The following ADH4 variants were observed in gnomAD, a reference collection of about 807,000 sequenced individuals.
ADH4 encodes all-trans-retinol dehydrogenase [NAD(+)] ADH4.
A neutral mutation model predicts 35.2 loss-of-function variants in ADH4; 31 were observed. The ratio of observed to expected loss-of-function variants is 0.88; its 90% CI spans 0.66 to 1.19. The LOEUF is 1.19. Ranked by LOEUF, ADH4 falls within the 50% of genes most tolerant of loss-of-function variation. The pLI, the probability that ADH4 is intolerant of heterozygous loss-of-function variation, is 0.00. For synonymous variants in ADH4, 171 were observed against 160.2 expected, an observed-to-expected ratio of 1.07 and a Z score of -0.51; for missense variants, 476 against 458.3, an observed-to-expected ratio of 1.04 and a Z score of -0.35.
intron 5 of ADH4, among the ~76,000 whole-genome samples, chr4:99,134,588 G>A (rs17218073): frequency 0.21 from 31,936 of 151,672 alleles, 4,023 homozygotes; most frequent in Non-Finnish European, 0.28. Flanking sequence ...AGTCTCTAGC[G>A]CCATACAGCA....
Position 99,141,651 on chromosome 4 carries a change from G to A in ADH4, c.152C>T (p.Ala51Val). ...IIATSLCHTDATVIDSKFEGL... is the reference protein window; with the variant it reads ...IIATSLCHTDVTVIDSKFEGL... Reference sequence around the variant, plus strand: ...CTCAAATTTAGAATCGATAACAGTGGCATCAGTATGGCACAGAGAGGTAGC... The same window carrying A: ...CTCAAATTTAGAATCGATAACAGTGACATCAGTATGGCACAGAGAGGTAGC... The change falls in exon 3 of 9, where the codon GCC becomes GTC. Residue 51 changes from alanine to valine, a missense_variant. By Grantham distance (64) the Ala-to-Val change is moderately conservative. Coordinates refer to ENST00000265512, the MANE Select transcript of ADH4 (RefSeq NM_000670.5). 2 of 1,613,988 alleles carry A rather than the reference G, an allele frequency of 1.2e-6. No individual in the cohort carries two copies. The highest frequency in any genetic ancestry group is 1.7e-6 in the Non-Finnish European group (2 of 1,179,912).
Position 99,139,257 on chromosome 4 carries a change from G to GTATAATATATAC in ADH4, c.263-110_263-109insGTATATATTATA. On this transcript the variant is annotated intron_variant, in intron 3 of 8. Transcript: ENST00000265512. The stretch of plus-strand genomic sequence containing the variant: ...CTTTATAGTATACATTTTATATTCA[G>GTATAATATATAC]TGGAAAGTATAGGTGGCTACAGTAT... The GTATAATATATAC allele has an allele frequency of 1.6e-5, 11 of 678,436 alleles. No homozygotes were observed. The South Asian group carries it at 2.0e-4, about 13-fold the overall frequency. The allele number at this position is 678,436 out of a possible 1,614,324, so 42.0% of individuals were successfully genotyped here.
At chr4:99,137,673 G>C (rs750894579) in intron 4 of ADH4, among the ~76,000 whole-genome samples, 7 of 152,172 alleles carry the variant, frequency 4.6e-5, no homozygotes, top group African/African-American at 7.2e-5. Context: ...ATGTATAAAA[G>C]TAGAAGGAAT....
intron 2 of ADH4, among the ~76,000 whole-genome samples, chr4:99,142,409 C>T (rs908056694): frequency 2.0e-5 from 3 of 152,158 alleles, no homozygotes; most frequent in African/African-American, 7.2e-5. Context: ...TAATTCAAAT[C>T]CAAAGTGAAT....
At chr4:99,130,724 G>T (rs902324087) in intron 6 of ADH4, among the ~76,000 whole-genome samples, 2 of 152,006 alleles carry the variant, frequency 1.3e-5, no homozygotes, top group African/African-American at 4.8e-5. Context: ...TTGTCAGTGG[G>T]CTCCCAGCAC....
chr4:99,128,264 G>A (rs1363553178), intron 6 of ADH4, among the ~76,000 whole-genome samples: 4 of 152,110 alleles, frequency 2.6e-5, no homozygotes, highest in South Asian at 2.1e-4. Flanking sequence ...GAGAAACCCC[G>A]TCTCTACTAA....
chr4:99,131,385 A>AC, intron 6 of ADH4, 119 bp downstream of exon 6: 1 of 1,142,348 alleles, frequency 8.8e-7, no homozygotes, highest in Non-Finnish European at 1.2e-6. Flanking sequence ...TTATAGTTCT[A>AC]CCACCCTGTC....
intron 5 of ADH4, among the ~76,000 whole-genome samples, chr4:99,135,036 C>T (rs1560778503): frequency 6.6e-6 from 1 of 152,094 alleles, no homozygotes; most frequent in Non-Finnish European, 1.5e-5. Context: ...ATTCCAGGCT[C>T]TGGAGCTATC....
chr4:99,138,248 A>G (rs1729506508), intron 4 of ADH4, among the ~76,000 whole-genome samples: 1 of 152,192 alleles, frequency 6.6e-6, no homozygotes, highest in African/African-American at 2.4e-5. Context: ...AAAAAAAATT[A>G]GTTCTTTGAA....
rs1729268470 is a variant in ADH4, at chr4:99,131,494, A to G, written c.843+10T>C. On this transcript the variant is annotated intron_variant, in intron 6 of 8. Transcript: ENST00000265512. ...ATTGAAAATATGATCCAAGAACAAA[A>G]TATACATACCATGGTTTCAGATCCA... is the stretch of plus-strand genomic sequence containing the variant. 1 of 1,609,446 alleles carries G rather than the reference A, an allele frequency of 6.2e-7. No individual in the cohort carries two copies. Among genetic ancestry groups the G allele is most frequent in the Non-Finnish European group, 8.5e-7 (1 of 1,178,338 alleles).
chr4:99,136,918 G>A (rs998656504), intron 4 of ADH4, among the ~76,000 whole-genome samples: 5 of 151,782 alleles, frequency 3.3e-5, no homozygotes, highest in African/African-American at 1.2e-4. Flanking sequence ...GTGACAGGGT[G>A]TCATTTCGTC....
At chr4:99,141,462 C>T in intron 3 of ADH4, 79 bp downstream of exon 3, 1 of 1,377,576 alleles carries the variant, frequency 7.3e-7, no homozygotes, top group Non-Finnish European at 9.7e-7. Context: ...TCAATTATAG[C>T]ATGCCAAGCC....
chr4:99,124,476 A>C lies in ADH4; in HGVS notation c.1119-10T>G, dbSNP rs1377221872. The C allele has an allele frequency of 1.4e-6, 2 of 1,445,344 alleles. No individual in the cohort carries two copies. The highest frequency in any genetic ancestry group is 1.9e-6 in the Non-Finnish European group (2 of 1,045,630). 89.5% of individuals were successfully genotyped at this position (1,445,344 alleles called of 1,614,324 possible). On this transcript the variant is annotated splice_polypyrimidine_tract_variant and intron_variant, in intron 8 of 8. Coordinates refer to ENST00000265512, the MANE Select transcript of ADH4 (RefSeq NM_000670.5). ...GAGGATTGTTCGGACGCTGTTAATA[A>C]CAATAAAACATTAATAAGTATAATT...
intron 7 of ADH4, 69 bp downstream of exon 7, chr4:99,127,140 A>T: frequency 7.7e-7 from 1 of 1,301,134 alleles, no homozygotes; most frequent in Non-Finnish European, 1.1e-6. Flanking sequence ...CTTTTCAATA[A>T]CCTTCACTCT....
At chr4:99,136,785 ATT>A in intron 4 of ADH4, 88 bp from the exon 5 acceptor site, 2 of 839,786 alleles carry the variant, frequency 2.4e-6, no homozygotes, top group Non-Finnish European at 3.6e-6. Flanking sequence ...TATGTTGAGC[ATT>A]ATATATTTTT....
chr4:99,127,401 A>C (rs1399271593), intron 6 of ADH4, 57 bp from the exon 7 acceptor site: 22 of 1,443,746 alleles, frequency 1.5e-5, no homozygotes, highest in Non-Finnish European at 2.0e-5. Flanking sequence ...TATGAACTCC[A>C]GTGTGGCAAT....
intron 3 of ADH4, among the ~76,000 whole-genome samples, chr4:99,140,142 A>T (rs982237572): frequency 6.6e-6 from 1 of 152,198 alleles, no homozygotes; most frequent in African/African-American, 2.4e-5. Flanking sequence ...CCAAAAAAAC[A>T]CTTCAGCTAA....
intron 1 of ADH4, chr4:99,143,218 A>T: frequency 1.4e-6 from 1 of 702,090 alleles, no homozygotes; most frequent in South Asian, 1.5e-5. Flanking sequence ...CTGCAACTCG[A>T]AGTGTGGTCC....
At chr4:99,130,386 C>T (rs1729234584) in intron 6 of ADH4, among the ~76,000 whole-genome samples, 1 of 152,166 alleles carries the variant, frequency 6.6e-6, no homozygotes, top group East Asian at 1.9e-4. Context: ...ACATTCAGCT[C>T]CTTAAAAGGG....
Sources: gnomAD v4.1 joint callset for allele counts (sites outside exome capture counted in the v4.1 genomes callset) on GRCh38, gnomAD v4.1.1 for gene constraint, MANE v1.5 for transcripts, NCBI Gene and HGNC (gene_info 2026-07-23, HGNC 2026-07-21) for gene names.